Variants in TAFA2 observed in about 807,000 individuals in gnomAD.
TAFA2 encodes TAFA chemokine like family member 2.
In TAFA2, 7 loss-of-function variants were observed where a neutral mutation model predicts 18.8. That is an observed-to-expected ratio of 0.37 (90% CI 0.21 to 0.70). TAFA2 has a LOEUF of 0.70. Among genes scored for constraint, TAFA2 ranks in the 30% least tolerant of loss-of-function variants. The probability of loss-of-function intolerance (pLI) is 0.53; values close to 1 mark genes in which losing one functional copy is unlikely to be tolerated. For missense variants in TAFA2, 122 were observed against 158.1 expected (o/e 0.77, Z 1.23); for synonymous variants, 60 against 54.2 (o/e 1.11, Z -0.47).
chr12:61,749,117 A>T (rs540214285), intron 4 of TAFA2, among the ~76,000 whole-genome samples: 50 of 151,742 alleles, frequency 3.3e-4, no homozygotes, highest in East Asian at 1.2e-3. Context: ...AATAAAAAAA[A>T]AAAAAAATAG....
chr12:62,114,478 T>C (rs1032219594), intron 1 of TAFA2, among the ~76,000 whole-genome samples: 1 of 152,192 alleles, frequency 6.6e-6, no homozygotes, highest in African/African-American at 2.4e-5. Flanking sequence ...TTGTCATATA[T>C]CAATGATTTA....
chr12:61,924,710 T>C (rs1877203518), intron 1 of TAFA2, among the ~76,000 whole-genome samples: 1 of 152,164 alleles, frequency 6.6e-6, no homozygotes, highest in Admixed American at 6.5e-5. Flanking sequence ...GCTACCATCA[T>C]AATGACAGGA....
intron 1 of TAFA2, among the ~76,000 whole-genome samples, chr12:61,993,906 C>T (rs1880094969): frequency 6.6e-6 from 1 of 152,058 alleles, no homozygotes; most frequent in Non-Finnish European, 1.5e-5. Flanking sequence ...ATAGTGCTCC[C>T]TCTCTCATAA....
At chr12:61,934,889 A>G (rs1877702031) in intron 1 of TAFA2, among the ~76,000 whole-genome samples, 1 of 152,238 alleles carries the variant, frequency 6.6e-6, no homozygotes, top group Non-Finnish European at 1.5e-5. Flanking sequence ...GAAAGTATAT[A>G]TGACTCCACA....
intron 1 of TAFA2, among the ~76,000 whole-genome samples, chr12:61,891,537 A>G (rs918946726): frequency 2.6e-5 from 4 of 152,136 alleles, no homozygotes; most frequent in African/African-American, 9.7e-5. Context: ...AATCCCAGCT[A>G]CTAGGGAGGC....
intron 1 of TAFA2, among the ~76,000 whole-genome samples, chr12:62,210,701 C>T (rs929819659): frequency 5.3e-5 from 8 of 151,896 alleles, no homozygotes; most frequent in African/African-American, 1.9e-4. Flanking sequence ...AATGAGCAGC[C>T]AAATTTTTTA....
intron 2 of TAFA2, among the ~76,000 whole-genome samples, chr12:61,760,733 T>A (rs11174162): frequency 0.063 from 9,570 of 151,930 alleles, 1,006 homozygotes; most frequent in African/African-American, 0.22. Context: ...CCTAATTGAA[T>A]ATTAGTGCTT....
chr12:61,900,515 G>T (rs1363432774), intron 1 of TAFA2, among the ~76,000 whole-genome samples: 2 of 152,166 alleles, frequency 1.3e-5, no homozygotes, highest in East Asian at 3.9e-4. Context: ...GAGGCCTCAG[G>T]CAACTTGCAA....
chr12:62,078,740 C>T (rs1468210377), intron 1 of TAFA2, among the ~76,000 whole-genome samples: 1 of 152,198 alleles, frequency 6.6e-6, no homozygotes, highest in Non-Finnish European at 1.5e-5. Context: ...CCTTGTCTTG[C>T]TAGAGCTGCA....
intron 1 of TAFA2, among the ~76,000 whole-genome samples, chr12:61,995,366 T>C (rs896690453): frequency 2.9e-4 from 44 of 152,216 alleles, no homozygotes; most frequent in African/African-American, 1.0e-3. Flanking sequence ...GTCACCTCCT[T>C]AGAGATTTTT....
intron 2 of TAFA2, among the ~76,000 whole-genome samples, chr12:61,798,122 T>C (rs989954579): frequency 1.3e-5 from 2 of 152,182 alleles, no homozygotes; most frequent in Non-Finnish European, 2.9e-5. Context: ...ACCATTCACA[T>C]TATGAACAAT....
chr12:62,108,405 T>C (rs923382377), intron 1 of TAFA2, among the ~76,000 whole-genome samples: 1 of 152,232 alleles, frequency 6.6e-6, no homozygotes, highest in Non-Finnish European at 1.5e-5. Flanking sequence ...AGCATTTGGG[T>C]TGGTCCCAAG....
intron 2 of TAFA2, among the ~76,000 whole-genome samples, chr12:61,866,727 T>G (rs2121217676): frequency 6.6e-6 from 1 of 152,152 alleles, no homozygotes; most frequent in Admixed American, 6.5e-5. Context: ...CAAGTGGTGG[T>G]CAAAGTGGTC....
intron 2 of TAFA2, among the ~76,000 whole-genome samples, chr12:61,833,850 G>C (rs561839483): frequency 5.3e-5 from 8 of 151,808 alleles, no homozygotes; most frequent in Non-Finnish European, 1.2e-4. Flanking sequence ...CCCCAGATTT[G>C]ATTATCTCAA....
At chr12:61,873,302 T>TTA (rs1565664461) in intron 1 of TAFA2, among the ~76,000 whole-genome samples, 172 of 149,324 alleles carry the variant, frequency 1.2e-3, no homozygotes, top group Middle Eastern at 3.5e-3. Context: ...TTTATTAATT[T>TTA]TTATTATTAT....
At chr12:62,253,381 A>G (rs1022546751) in intron 1 of TAFA2, 2 of 152,250 alleles carry the variant, frequency 1.3e-5, no homozygotes, top group East Asian at 3.8e-4. Flanking sequence ...TCCTTAAAGT[A>G]GGCTCTTCTA....
intron 1 of TAFA2, among the ~76,000 whole-genome samples, chr12:62,164,564 A>G (rs1565766789): frequency 6.6e-6 from 1 of 152,162 alleles, no homozygotes; most frequent in African/African-American, 2.4e-5. Context: ...TAGACAAAAT[A>G]ATCTGTACAA....
At chr12:62,186,959 G>A (rs986835727) in intron 1 of TAFA2, among the ~76,000 whole-genome samples, 3 of 152,010 alleles carry the variant, frequency 2.0e-5, no homozygotes, top group African/African-American at 7.2e-5. Flanking sequence ...ATATCCATGT[G>A]GTATACACAT....
At chr12:61,957,651 C>T (rs1359095190) in intron 1 of TAFA2, among the ~76,000 whole-genome samples, 1 of 152,074 alleles carries the variant, frequency 6.6e-6, no homozygotes, top group African/African-American at 2.4e-5. Context: ...TTAGAGAAGA[C>T]GTTCAGAGGA....
Sources: gnomAD v4.1 joint callset for allele counts (sites outside exome capture counted in the v4.1 genomes callset) on GRCh38, gnomAD v4.1.1 for gene constraint, MANE v1.5 for transcripts, NCBI Gene and HGNC (gene_info 2026-07-23, HGNC 2026-07-21) for gene names.